The following GRID2 variants were observed in gnomAD, a reference collection of about 807,000 sequenced individuals.
GRID2 encodes the protein glutamate ionotropic receptor delta type subunit 2, also known as glutamate receptor ionotropic, delta-2.
Under a neutral mutation model 114.8 loss-of-function variants are expected in GRID2, and 33 were observed. The ratio of observed to expected loss-of-function variants is 0.29; its 90% CI spans 0.22 to 0.38. The LOEUF is 0.38. Among genes scored for constraint, GRID2 ranks in the 10% least tolerant of loss-of-function variants. The probability of loss-of-function intolerance (pLI) is 1.00; values close to 1 mark genes in which losing one functional copy is unlikely to be tolerated. For missense variants in GRID2, 1,184 were observed against 1,257.7 expected (o/e 0.94, Z 0.89); for synonymous variants, 505 against 449.9 (o/e 1.12, Z -1.55).
At chr4:93,057,424 A>G (rs1247963539) in intron 2 of GRID2, among the ~76,000 whole-genome samples, 2 of 151,842 alleles carry the variant, frequency 1.3e-5, no homozygotes, top group Admixed American at 1.3e-4. Flanking sequence ...AATTCTTTGA[A>G]TTTTTTGTTG....
intron 10 of GRID2, among the ~76,000 whole-genome samples, chr4:93,433,276 C>G (rs1254234069): frequency 6.6e-6 from 1 of 152,118 alleles, no homozygotes; most frequent in Non-Finnish European, 1.5e-5. Context: ...GGAGGTTGGT[C>G]AGTTTTTGTG....
intron 1 of GRID2, among the ~76,000 whole-genome samples, chr4:92,466,886 G>T (rs947804528): frequency 2.0e-5 from 3 of 151,704 alleles, no homozygotes; most frequent in Admixed American, 2.0e-4. Context: ...GATGCATACA[G>T]GGCTAATACG....
intron 2 of GRID2, among the ~76,000 whole-genome samples, chr4:93,079,738 T>TTAAA (rs138368554): frequency 6.9e-4 from 105 of 152,160 alleles, no homozygotes; most frequent in African/African-American, 2.5e-3. Context: ...ATGTGCCAGG[T>TTAAA]TAAATGTTTA....
At chr4:92,694,642 TCTGA>T (rs1447730651) in intron 2 of GRID2, among the ~76,000 whole-genome samples, 1 of 152,234 alleles carries the variant, frequency 6.6e-6, no homozygotes, top group East Asian at 1.9e-4. Context: ...GTCTTATTAA[TCTGA>T]CTTTTTCTCA....
intron 2 of GRID2, among the ~76,000 whole-genome samples, chr4:92,908,148 G>T (rs1192454634): frequency 6.6e-6 from 1 of 152,072 alleles, no homozygotes; most frequent in Admixed American, 6.6e-5. Context: ...TTAATGTAGG[G>T]ACTAATGTCT....
intron 2 of GRID2, among the ~76,000 whole-genome samples, chr4:92,741,263 A>G (rs910447310): frequency 6.6e-6 from 1 of 152,154 alleles, no homozygotes; most frequent in Non-Finnish European, 1.5e-5. Context: ...TTAATGAACT[A>G]GTATTTATAA....
At chr4:93,229,282 TC>T (rs956928740) in intron 7 of GRID2, among the ~76,000 whole-genome samples, 2 of 152,162 alleles carry the variant, frequency 1.3e-5, no homozygotes, top group African/African-American at 4.8e-5. Context: ...ACATAGAGAC[TC>T]CCAAGAAGAG....
intron 2 of GRID2, among the ~76,000 whole-genome samples, chr4:92,817,795 G>C (rs910463657): frequency 6.6e-6 from 1 of 151,682 alleles, no homozygotes. Flanking sequence ...GCCTCTCAAA[G>C]TGTTGAGATT....
intron 8 of GRID2, among the ~76,000 whole-genome samples, chr4:93,308,927 A>G (rs1252822280): frequency 6.6e-6 from 1 of 152,198 alleles, no homozygotes; most frequent in African/African-American, 2.4e-5. Flanking sequence ...TATCTGAAAT[A>G]AATAAGTGGT....
intron 8 of GRID2, among the ~76,000 whole-genome samples, chr4:93,387,529 A>G (rs1269898412): frequency 1.3e-5 from 2 of 152,120 alleles, no homozygotes; most frequent in African/African-American, 4.8e-5. Context: ...TTAAAGCATC[A>G]TATAAGAAAT....
intron 13 of GRID2, among the ~76,000 whole-genome samples, chr4:93,538,990 G>A (rs1373802544): frequency 6.6e-6 from 1 of 151,816 alleles, no homozygotes; most frequent in Admixed American, 6.6e-5. Flanking sequence ...AGTAATGTAA[G>A]ATATTAATAT....
chr4:92,692,670 G>T (rs944170388), intron 2 of GRID2, among the ~76,000 whole-genome samples: 2 of 152,116 alleles, frequency 1.3e-5, no homozygotes, highest in African/African-American at 2.4e-5. Flanking sequence ...AGTGGTGAGA[G>T]AAATTGGAAG....
At chr4:92,450,536 T>A (rs558594531) in intron 1 of GRID2, among the ~76,000 whole-genome samples, 85 of 152,262 alleles carry the variant, frequency 5.6e-4, no homozygotes, top group African/African-American at 1.9e-3. Flanking sequence ...TCCTGTTCTT[T>A]GTTGTGCTCC....
chr4:93,255,958 GA>G (rs1380728420), intron 8 of GRID2, among the ~76,000 whole-genome samples: 1 of 151,968 alleles, frequency 6.6e-6, no homozygotes. Context: ...TGAAGTCCAA[GA>G]AAAAATCTAT....
chr4:93,385,828 T>A (rs1033426124), intron 8 of GRID2, among the ~76,000 whole-genome samples: 16 of 152,124 alleles, frequency 1.1e-4, no homozygotes, highest in African/African-American at 3.9e-4. Flanking sequence ...CTAAGGTTTT[T>A]AAAAAACTGA....
chr4:92,732,163 G>A (rs1223809869), intron 2 of GRID2, among the ~76,000 whole-genome samples: 1 of 151,926 alleles, frequency 6.6e-6, no homozygotes, highest in Admixed American at 6.6e-5. Context: ...TTTAAATTTT[G>A]CAAATAATTT....
intron 11 of GRID2, among the ~76,000 whole-genome samples, chr4:93,469,827 GAC>G (rs1467482182): frequency 3.3e-5 from 5 of 152,096 alleles, no homozygotes; most frequent in African/African-American, 9.7e-5. Flanking sequence ...ATCTTCTGTT[GAC>G]ACAGGAAATA....
chr4:93,158,220 A>G (rs1339516075), intron 4 of GRID2, among the ~76,000 whole-genome samples: 1 of 151,838 alleles, frequency 6.6e-6, no homozygotes, highest in African/African-American at 2.4e-5. Context: ...TTCGTTATGC[A>G]GGAGCTAGGG....
At chr4:93,483,782 A>G in intron 11 of GRID2, among the ~76,000 whole-genome samples, 1 of 151,970 alleles carries the variant, frequency 6.6e-6, no homozygotes, top group East Asian at 1.9e-4. Context: ...TTGGAAAATA[A>G]AAATTTTTCA....
Sources: allele counts gnomAD v4.1 joint callset (sites outside exome capture counted in the v4.1 genomes callset), GRCh38; gene constraint gnomAD v4.1.1; transcripts MANE v1.5; gene names NCBI Gene and HGNC (gene_info 2026-07-23, HGNC 2026-07-21).